Variants in DPP6 observed in about 807,000 individuals in gnomAD.
DPP6 encodes A-type potassium channel modulatory protein DPP6.
Under a neutral mutation model 122.6 loss-of-function variants are expected in DPP6, and 69 were observed. The ratio of observed to expected loss-of-function variants is 0.56; its 90% CI spans 0.46 to 0.69. The LOEUF is 0.69. Ranked by LOEUF, DPP6 falls within the 30% of genes least tolerant of loss-of-function variation. DPP6 has a pLI of 0.00. For synonymous variants in DPP6, 418 were observed against 433.1 expected (o/e 0.97, Z 0.43); for missense variants, 928 against 1,116.9 (o/e 0.83, Z 2.41).
chr7:154,715,260 G>A lies in DPP6; in HGVS notation c.763-12507G>A, dbSNP rs1841417759. Among the ~76,000 whole-genome samples the A allele has an allele frequency of 2.0e-5, 3 of 152,050 alleles. No homozygotes were observed. In the South Asian group the frequency reaches 6.2e-4, roughly 31 times the overall value. ...TTTTGTATTTTTTAAGTAGAGATGG[G>A]TTTTCACCTGGTTGGCCAGGCTGGT... On this transcript the variant is annotated intron_variant, in intron 7 of 25. Transcript: ENST00000377770.
chr7:154,056,973 C>G (rs186777650), intron 1 of DPP6, among the ~76,000 whole-genome samples: 1 of 152,224 alleles, frequency 6.6e-6, no homozygotes, highest in Non-Finnish European at 1.5e-5. Flanking sequence ...TCCCATTACT[C>G]TCATCACCAA....
chr7:154,239,201 G>C (rs1000825788), intron 1 of DPP6, among the ~76,000 whole-genome samples: 3 of 152,188 alleles, frequency 2.0e-5, no homozygotes, highest in African/African-American at 4.8e-5. Context: ...TACTCCCTCT[G>C]ATTTCCCGTA....
chr7:154,032,120 C>T (rs1009259865), intron 1 of DPP6, among the ~76,000 whole-genome samples: 2 of 151,716 alleles, frequency 1.3e-5, no homozygotes, highest in African/African-American at 2.4e-5. Flanking sequence ...GTGATCCTCC[C>T]GCCTCAGCCT....
intron 1 of DPP6, among the ~76,000 whole-genome samples, chr7:154,353,340 A>C (rs561682698): frequency 1.3e-5 from 2 of 152,156 alleles, no homozygotes; most frequent in Admixed American, 6.5e-5. Flanking sequence ...TAGATATTGA[A>C]GGGGAGATAC....
chr7:154,357,682 C>T (rs10241022), intron 1 of DPP6, among the ~76,000 whole-genome samples: 3,611 of 150,726 alleles, frequency 0.024, 135 homozygotes, highest in African/African-American at 0.081. Context: ...GTGGCTCATG[C>T]CTGTAATCCA....
chr7:154,480,835 CA>C (rs987374198), intron 3 of DPP6, among the ~76,000 whole-genome samples: 5 of 152,192 alleles, frequency 3.3e-5, no homozygotes, highest in African/African-American at 9.7e-5. Flanking sequence ...ACCCTATCCA[CA>C]ACCTTTCTGA....
In DPP6 at chr7:154,848,217, C is replaced by A. The variant is rs575362975; in HGVS notation, c.1667-5563C>A. ...GAGATGGCTGAATCATAGGGAAATT[C>A]TATTTTTAGTTTTTTTTTGAGGAAC... On this transcript the variant is annotated intron_variant, in intron 16 of 25. Coordinates refer to ENST00000377770, the MANE Select transcript of DPP6 (RefSeq NM_130797.4). Among the ~76,000 whole-genome samples the A allele has an allele frequency of 6.9e-4, 67 of 97,730 alleles. 1 individual carries two copies. The highest frequency in any genetic ancestry group is 6.5e-3 in the Middle Eastern group (1 of 154). 64.1% of individuals were successfully genotyped at this position (97,730 alleles called of 152,430 possible). A position where few individuals can be genotyped will look rare whatever the true frequency, so the allele number is the denominator to read the frequency against.
chr7:153,851,054 C>T, the DPP6 span, among the ~76,000 whole-genome samples: 293 of 152,262 alleles, frequency 1.9e-3, 2 homozygotes, highest in African/African-American at 6.5e-3. Context: ...TACTTGTTAA[C>T]ATTTCTATTT....
At chr7:154,336,044 TA>T (rs1809386627) in intron 1 of DPP6, among the ~76,000 whole-genome samples, 1 of 152,042 alleles carries the variant, frequency 6.6e-6, no homozygotes, top group Non-Finnish European at 1.5e-5. Flanking sequence ...CATGTTTTAC[TA>T]CTGTATTGAT....
At chr7:154,610,601 GATAGTGAGGTCTTACATTAGC>G in intron 5 of DPP6, among the ~76,000 whole-genome samples, 1 of 152,192 alleles carries the variant, frequency 6.6e-6, no homozygotes, top group East Asian at 1.9e-4. Context: ...TTCTGTCTTT[GATAGTGAGGTCTTACATTAGC>G]ATTAAATCAA....
intron 1 of DPP6, among the ~76,000 whole-genome samples, chr7:154,109,967 AT>A: frequency 7.0e-6 from 1 of 143,156 alleles, no homozygotes. Flanking sequence ...GAGCAACAGA[AT>A]GCAAAATAGC....
intron 1 of DPP6, among the ~76,000 whole-genome samples, chr7:154,402,312 G>A (rs1445177775): frequency 4.0e-5 from 6 of 151,646 alleles, no homozygotes; most frequent in South Asian, 2.1e-4. Context: ...TGTTTATTGA[G>A]GCATTATTCA....
intron 7 of DPP6, among the ~76,000 whole-genome samples, chr7:154,689,899 A>T (rs562405633): frequency 6.6e-6 from 1 of 152,274 alleles, no homozygotes; most frequent in East Asian, 1.9e-4. Context: ...TTAATTTCCC[A>T]TGCATTTTCT....
chr7:153,846,684 G>GTTT, the DPP6 span, among the ~76,000 whole-genome samples: 22 of 117,660 alleles, frequency 1.9e-4, no homozygotes, highest in South Asian at 6.5e-4. Context: ...AGGTGGCTTG[G>GTTT]TTCTTTTTTT....
At chr7:154,379,366 G>T (rs527446079) in intron 1 of DPP6, among the ~76,000 whole-genome samples, 2 of 152,214 alleles carry the variant, frequency 1.3e-5, no homozygotes, top group East Asian at 3.9e-4. Flanking sequence ...CAGGTGGTGG[G>T]GGGCTGGGGG....
intron 1 of DPP6, among the ~76,000 whole-genome samples, chr7:154,123,660 G>C (rs1807659593): frequency 6.6e-6 from 1 of 152,114 alleles, no homozygotes; most frequent in Non-Finnish European, 1.5e-5. Context: ...GCAGGAGACA[G>C]ATGTGCCGCC....
At chr7:153,888,146 G>A (rs1799022002) in intron 1 of DPP6, among the ~76,000 whole-genome samples, 2 of 152,148 alleles carry the variant, frequency 1.3e-5, no homozygotes, top group African/African-American at 4.8e-5. Context: ...GCCCGCGCCG[G>A]CCTCGGTGCT....
At chr7:153,763,393 AAG>A in the DPP6 span, among the ~76,000 whole-genome samples, 1 of 151,504 alleles carries the variant, frequency 6.6e-6, no homozygotes, top group African/African-American at 2.4e-5. Flanking sequence ...AAAAAAAAAA[AAG>A]GTCTTCTGAA....
intron 1 of DPP6, among the ~76,000 whole-genome samples, chr7:154,199,242 C>T (rs188188843): frequency 1.0e-3 from 158 of 152,250 alleles, no homozygotes; most frequent in African/African-American, 3.6e-3. Context: ...AAAGGCTGTA[C>T]GGAGATAGGT....
Sources: gnomAD v4.1 joint callset for allele counts (sites outside exome capture counted in the v4.1 genomes callset) on GRCh38, gnomAD v4.1.1 for gene constraint, MANE v1.5 for transcripts, NCBI Gene and HGNC (gene_info 2026-07-23, HGNC 2026-07-21) for gene names.